IZUMO3: variants seen among roughly 807,000 people sequenced by gnomAD.
The protein encoded by IZUMO3 is IZUMO family member 3.
IZUMO3 carries 36 observed loss-of-function variants against 28.4 expected under a neutral mutation model. That is an observed-to-expected ratio of 1.27 (90% CI 0.97 to 1.67). The LOEUF (loss-of-function observed/expected upper bound fraction) is 1.67, where lower values mean the gene tolerates loss of function less well. Among genes scored for constraint, IZUMO3 ranks in the 40% most tolerant of loss-of-function variants. The probability of loss-of-function intolerance (pLI) is 0.00; values close to 1 mark genes in which losing one functional copy is unlikely to be tolerated. For missense variants in IZUMO3, 387 were observed against 278.5 expected, an observed-to-expected ratio of 1.39 and a Z score of -2.77; for synonymous variants, 126 against 99.2, an observed-to-expected ratio of 1.27 and a Z score of -1.61.
chr9:24,544,285 A>G lies in IZUMO3; in HGVS notation c.410-4T>C, dbSNP rs1294185382. On this transcript the variant is annotated splice_polypyrimidine_tract_variant and splice_region_variant and intron_variant, in intron 4 of 6. Coordinates refer to ENST00000543880, the MANE Select transcript of IZUMO3 (RefSeq NM_001365008.2). The stretch of plus-strand genomic sequence containing the variant: ...AGAATGGGACCTTCAACCACAACTG[A>G]TAAAGAGGAGAAGAAAGATAATCAG... 1 of 1,545,356 alleles carries G rather than the reference A, an allele frequency of 6.5e-7. No individual in the cohort carries two copies. Among genetic ancestry groups the G allele is most frequent in the South Asian group, 1.2e-5 (1 of 83,936 alleles).
rs1254132124 is a variant in IZUMO3 at position 24,545,264 on chromosome 9, CAACTT to C, written c.244_248del (p.Lys82GlufsTer7). The C allele has an allele frequency of 7.1e-6, 11 of 1,550,342 alleles. No homozygotes were observed. The East Asian group carries it at 7.3e-5, about 10-fold the overall frequency. On this transcript the variant is annotated frameshift_variant, in exon 2 of 7. Transcript: ENST00000543880. LOFTEE classifies it high-confidence loss of function. ...AAAATTCATTCTTCAACCATGTTCT[CAACTT>C]AACAACCTGCTGAACAGCTAGAGAG...
intron 6 of IZUMO3, 101 bp downstream of exon 6, chr9:24,543,563 C>G (rs1462810095): frequency 3.6e-5 from 32 of 883,686 alleles, no homozygotes; most frequent in Non-Finnish European, 4.9e-5. Context: ...TTTAAAATGA[C>G]TTCTTTTGCT....
Position 24,545,492 on chromosome 9 carries a change from C to G in IZUMO3, c.158G>C (p.Arg53Pro), listed in dbSNP as rs765503244. 6.5e-7 allele frequency: 1 copy of G among 1,535,528 alleles called. No individual in the cohort carries two copies. Among genetic ancestry groups the G allele is most frequent in the East Asian group, 2.4e-5 (1 of 40,850 alleles). The change falls in exon 1 of 7, where the codon CGG becomes CCG. Residue 53 changes from arginine (R) to proline (P), a missense_variant. Coordinates refer to ENST00000543880, the MANE Select transcript of IZUMO3 (RefSeq NM_001365008.2). ...EVPGRTQLLE[R>P]QIKEMIHLSF... is the part of the protein sequence containing the mutation. ...TAAATGAATCATCTCCTTAATCTGCCGTTCAAGCAGCTGAGTTCGGCCGGG... is the reference window on the plus strand; with the variant it reads ...TAAATGAATCATCTCCTTAATCTGCGGTTCAAGCAGCTGAGTTCGGCCGGG...
Position 24,545,062 on chromosome 9 carries a change from C to G in IZUMO3, c.302-1G>C. On this transcript the variant is annotated splice_acceptor_variant, in intron 2 of 6. Transcript: ENST00000543880. LOFTEE classifies it high-confidence loss of function. ...AGCTTGCCTTGATAGATAAAGACAC[C>G]TAAGAGGGAGTGGAAGGGGTGTCAA... is the stretch of plus-strand genomic sequence containing the variant. 6.5e-7 allele frequency: 1 copy of G among 1,545,576 alleles called. No individual in the cohort carries two copies. The highest frequency in any genetic ancestry group is 8.8e-7 in the Non-Finnish European group (1 of 1,142,342).
Position 24,545,581 on chromosome 9 carries a change from T to G in IZUMO3, c.69A>C (p.Glu23Asp), listed in dbSNP as rs1162234809. Residue 23 changes from glutamate (E) to aspartate (D), a missense_variant, in exon 1 of 7, where the codon GAA (glutamate) becomes GAC (aspartate). Glu to Asp is a conservative substitution (Grantham distance 45, BLOSUM62 2). Transcript: ENST00000543880. ...SAFHGVKGCL[E>D]CDPKFIEDVG... Reference sequence around the variant, plus strand: ...CATCCTCTATAAATTTGGGGTCACATTCTAAACAGCCTTTGACTCCATGGA... The same window carrying G: ...CATCCTCTATAAATTTGGGGTCACAGTCTAAACAGCCTTTGACTCCATGGA... 5.2e-6 allele frequency: 8 copies of G among 1,535,366 alleles called. No individual in the cohort carries two copies. Among genetic ancestry groups the G allele is most frequent in the Non-Finnish European group, 7.0e-6 (8 of 1,146,684 alleles).
At chr9:24,544,317 G>A (rs1228637582) in intron 4 of IZUMO3, 36 bp from the exon 5 acceptor site, 1 of 1,424,974 alleles carries the variant, frequency 7.0e-7, no homozygotes, top group East Asian at 2.5e-5. Context: ...TCAGAAAGAG[G>A]GCATGGCACG....
chr9:24,543,042 A>C lies in IZUMO3; in HGVS notation c.*187T>G. 4.2e-6 allele frequency: 2 copies of C among 480,142 alleles called. No individual in the cohort carries two copies. The highest frequency in any genetic ancestry group is 6.8e-5 in the East Asian group (2 of 29,366). The allele number at this position is 480,142 out of a possible 1,614,324, so 29.7% of individuals were successfully genotyped here. A position where few individuals can be genotyped will look rare whatever the true frequency, so the allele number is the denominator to read the frequency against. The stretch of plus-strand genomic sequence containing the variant: ...CTTTCTGTACAACTCTGGCCAAATT[A>C]TTTGCTCTCCCATTACTTCCGTTGT... On this transcript the variant is annotated 3_prime_UTR_variant, in exon 7 of 7. Transcript: ENST00000543880.
At position 24,543,322 on chromosome 9, in the gene IZUMO3, T is replaced by A. The variant is rs567627439; in HGVS notation, c.627A>T (p.Arg209=). The part of the protein sequence containing the change: ...IFHRRKMKAI[R]RSLKEYVEKK... ...TCTCCACATATTCCTTTAGCGACCT[T>A]CGTATTGCCTTCATTTTCCTCCGAT... Residue 209 remains arginine, a synonymous_variant, in exon 7 of 7, where the codon CGA becomes CGT. Coordinates refer to ENST00000543880, the MANE Select transcript of IZUMO3 (RefSeq NM_001365008.2). The A allele has an allele frequency of 6.5e-7, 1 of 1,548,814 alleles. No individual in the cohort carries two copies. The highest frequency in any genetic ancestry group is 2.5e-5 in the East Asian group (1 of 40,792).
At chr9:24,544,152 G>T (rs1205453770) in intron 5 of IZUMO3, 49 bp downstream of exon 5, 7 of 1,263,222 alleles carry the variant, frequency 5.5e-6, no homozygotes, top group Non-Finnish European at 7.9e-6. Flanking sequence ...GAGCAACCCT[G>T]CTCCTTAATC....
rs1479178308 is a variant in IZUMO3, at chr9:24,545,641, G to A, written c.9C>T (p.Asp3=). MG[D]LWLFLLLPLS... ...GGGGCAGGAGCAGGAATAACCACAG[G>A]TCACCCATTTCTTTCTTCACCCCCG... Residue 3 remains aspartate (D), a synonymous_variant, in exon 1 of 7, where the codon GAC becomes GAT. Transcript: ENST00000543880. The A allele has an allele frequency of 1.2e-5, 19 of 1,534,944 alleles. No individual in the cohort carries two copies. The highest frequency in any genetic ancestry group is 2.7e-5 in the African/African-American group (2 of 72,930).
In IZUMO3 at chr9:24,543,293, T is replaced by G. The variant is rs747025728; in HGVS notation, c.656A>C (p.Lys219Thr). 6.5e-7 allele frequency: 1 copy of G among 1,549,112 alleles called. No individual in the cohort carries two copies. Among genetic ancestry groups the G allele is most frequent in the Non-Finnish European group, 8.7e-7 (1 of 1,146,086 alleles). ...RRSLKEYVEK[K>T]LEELMGKIDE... is the part of the protein sequence containing the mutation. ...TATCTTCCCCATTAATTCTTCAAGT[T>G]TCTTCTCCACATATTCCTTTAGCGA... The change falls in exon 7 of 7, where the codon AAA becomes ACA. Residue 219 changes from lysine to threonine, a missense_variant. By Grantham distance (78) the Lys-to-Thr change is moderately conservative. Coordinates refer to ENST00000543880, the MANE Select transcript of IZUMO3 (RefSeq NM_001365008.2).
intron 3 of IZUMO3, 32 bp from the exon 4 acceptor site, chr9:24,544,792 T>TA: frequency 6.5e-7 from 1 of 1,547,402 alleles, no homozygotes; most frequent in South Asian, 1.2e-5. Flanking sequence ...CTAATGAGTT[T>TA]AAAACCAGCT....
At chr9:24,543,815 AT>A in intron 5 of IZUMO3, 61 bp from the exon 6 acceptor site, 3 of 1,094,338 alleles carry the variant, frequency 2.7e-6, no homozygotes, top group Non-Finnish European at 4.1e-6. Context: ...AGCTTGTGAC[AT>A]TTATTCAGAA....
At position 24,545,761 on chromosome 9, in the gene IZUMO3, C is replaced by A; in HGVS notation, c.-112G>T. The A allele has an allele frequency of 6.5e-7, 1 of 1,533,430 alleles. No homozygotes were observed. The allele number at this position is 1,533,430 out of a possible 1,614,324, so 95.0% of individuals were successfully genotyped here. On this transcript the variant is annotated 5_prime_UTR_variant, in exon 1 of 7. The change creates a premature stop within an existing upstream ORF in the 5' untranslated region. Transcript: ENST00000543880. The stretch of plus-strand genomic sequence containing the variant: ...GAGCCTGGTTCTGGATAGTCTGACT[C>A]CACTTTTCCCGCTGTTTCCATCCCA...
In IZUMO3 at chr9:24,543,754, T is replaced by A. The variant is rs1819516884; in HGVS notation, c.491A>T (p.Asp164Val). Residue 164 changes from aspartate (D) to valine (V), a missense_variant and splice_region_variant, in exon 6 of 7, where the codon GAC (aspartate) becomes GTC (valine). Physicochemically the swap from Asp to Val is radical, Grantham distance 152 (BLOSUM62 -3). Transcript: ENST00000543880. ...NRCFKGEYCG[D>V]EDPRKAENRE... ...ATTCTCAGCCTTTCTTGGATCCTCG[T>A]CTGGAAGGAGAAACAGGAAAATATG... is the stretch of plus-strand genomic sequence containing the variant. The A allele has an allele frequency of 6.5e-7, 1 of 1,540,854 alleles. No individual in the cohort carries two copies. Among genetic ancestry groups the A allele is most frequent in the African/African-American group, 1.4e-5 (1 of 72,834 alleles).
At chr9:24,543,570 T>A in intron 6 of IZUMO3, 94 bp downstream of exon 6, 1 of 1,054,272 alleles carries the variant, frequency 9.5e-7, no homozygotes, top group Non-Finnish European at 1.4e-6. Context: ...TGACTTCTTT[T>A]GCTTTATTTC....
rs1031480662 is a variant in IZUMO3 at position 24,545,771 on chromosome 9, C to G, written c.-122G>C. 2 of 1,534,004 alleles carry G rather than the reference C, an allele frequency of 1.3e-6. No individual in the cohort carries two copies. Among genetic ancestry groups the G allele is most frequent in the Admixed American group, 2.0e-5 (1 of 49,772 alleles). ...CTGGATAGTCTGACTCCACTTTTCC[C>G]GCTGTTTCCATCCCACTATCGGGCA... On this transcript the variant is annotated 5_prime_UTR_variant, in exon 1 of 7. Coordinates refer to ENST00000543880, the MANE Select transcript of IZUMO3 (RefSeq NM_001365008.2).
Position 24,543,068 on chromosome 9 carries a change from C to T in IZUMO3, c.*161G>A, listed in dbSNP as rs1819485590. On this transcript the variant is annotated 3_prime_UTR_variant, in exon 7 of 7. Coordinates refer to ENST00000543880, the MANE Select transcript of IZUMO3 (RefSeq NM_001365008.2). ...TTTGCTCTCCCATTACTTCCGTTGT[C>T]TCAGGATATCAATAAGCATTTTCAT... 1 of 564,382 alleles carries T rather than the reference C, an allele frequency of 1.8e-6. No individual in the cohort carries two copies. Among genetic ancestry groups the T allele is most frequent in the South Asian group, 3.9e-5 (1 of 25,760 alleles). The allele number at this position is 564,382 out of a possible 1,614,324, so 35.0% of individuals were successfully genotyped here. A position where few individuals can be genotyped will look rare whatever the true frequency, so the allele number is the denominator to read the frequency against.
rs776596921 is a variant in IZUMO3, at chr9:24,545,709, C to T, written c.-60G>A. The T allele has an allele frequency of 3.7e-5, 56 of 1,532,650 alleles. No individual in the cohort carries two copies. Among genetic ancestry groups the T allele is most frequent in the Non-Finnish European group, 4.6e-5 (53 of 1,143,806 alleles). 94.9% of individuals were successfully genotyped at this position (1,532,650 alleles called of 1,614,324 possible). A position where few individuals can be genotyped will look rare whatever the true frequency, so the allele number is the denominator to read the frequency against. On this transcript the variant is annotated 5_prime_UTR_variant, in exon 1 of 7. Transcript: ENST00000543880. ...GTCCTGGCAACTAGTTCACTTAGTT[C>T]CTTTTCCTTCAAAAATCCGGGAATG...
Sources: allele counts gnomAD v4.1 joint callset, GRCh38; gene constraint gnomAD v4.1.1; transcripts MANE v1.5; gene names NCBI Gene and HGNC (gene_info 2026-07-23, HGNC 2026-07-21).